AP3B1: variants seen among roughly 807,000 people sequenced by gnomAD.
AP3B1 encodes the protein adaptor related protein complex 3 subunit beta 1, also known as AP-3 complex subunit beta-1.
In AP3B1, 61 loss-of-function variants were observed where a neutral mutation model predicts 132.5. The observed-to-expected ratio is 0.46, with a 90% CI of 0.37 to 0.57. The LOEUF (loss-of-function observed/expected upper bound fraction) is 0.57, where lower values mean the gene tolerates loss of function less well. Ranked by LOEUF, AP3B1 falls within the 20% of genes least tolerant of loss-of-function variation. AP3B1 has a pLI of 0.00. For synonymous variants in AP3B1, 388 were observed against 438.3 expected (o/e 0.89, Z 1.43); for missense variants, 1,120 against 1,289.4 (o/e 0.87, Z 2.01).
intron 7 of AP3B1, among the ~76,000 whole-genome samples, chr5:78,191,131 C>T (rs903986640): frequency 6.6e-6 from 1 of 151,860 alleles, no homozygotes; most frequent in African/African-American, 2.4e-5. Flanking sequence ...TTTAAAAACA[C>T]ATAATATAAG....
intron 7 of AP3B1, among the ~76,000 whole-genome samples, chr5:78,191,426 A>G (rs185945059): frequency 2.7e-4 from 41 of 151,352 alleles, no homozygotes; most frequent in Non-Finnish European, 5.2e-4. Context: ...AAAGCTCAGT[A>G]GAGCTTTCAG....
intron 17 of AP3B1, among the ~76,000 whole-genome samples, chr5:78,126,149 T>A (rs1392088915): frequency 6.6e-6 from 1 of 150,686 alleles, no homozygotes; most frequent in Non-Finnish European, 1.5e-5. Context: ...GGAGAGAAAG[T>A]ATGTCCGTAG....
In AP3B1 at chr5:78,002,874, C is replaced by T; in HGVS notation, c.*28G>A. 1 of 1,614,070 alleles carries T rather than the reference C, an allele frequency of 6.2e-7. No homozygotes were observed. The highest frequency in any genetic ancestry group is 8.5e-7 in the Non-Finnish European group (1 of 1,179,982). On this transcript the variant is annotated 3_prime_UTR_variant, in exon 27 of 27. Coordinates refer to ENST00000255194, the MANE Select transcript of AP3B1 (RefSeq NM_003664.5). ...GATGCCAGGCACTTTTGTTGTGTGC[C>T]AGATTCTAAAGTCCAGATGTAAGCA...
At chr5:78,282,427 T>C (rs1749098570) in intron 1 of AP3B1, among the ~76,000 whole-genome samples, 6 of 152,076 alleles carry the variant, frequency 3.9e-5, no homozygotes, top group African/African-American at 2.4e-5. Context: ...CTTTGTACTA[T>C]AATCATTGTT....
At chr5:78,031,575 G>A (rs1350966240) in intron 24 of AP3B1, among the ~76,000 whole-genome samples, 1 of 152,094 alleles carries the variant, frequency 6.6e-6, no homozygotes, top group Non-Finnish European at 1.5e-5. Flanking sequence ...TGTGTATGTT[G>A]CCTGCTGTCA....
intron 11 of AP3B1, among the ~76,000 whole-genome samples, chr5:78,167,886 G>C (rs1418189376): frequency 1.3e-5 from 2 of 151,738 alleles, no homozygotes; most frequent in Admixed American, 1.3e-4. Flanking sequence ...GGGGTGGTGA[G>C]GAATAAAAGA....
chr5:78,161,996 G>A (rs1743406651), intron 13 of AP3B1, among the ~76,000 whole-genome samples: 1 of 151,868 alleles, frequency 6.6e-6, no homozygotes, highest in African/African-American at 2.4e-5. Context: ...CCCATATCTA[G>A]ACATGACATA....
chr5:78,113,936 A>C lies in AP3B1; in HGVS notation c.2078-13T>G. ...CCAGATTCACTCTCTGAAAAACAGA[A>C]CCAGATGTTCTTAGATTTATAGTCA... On this transcript the variant is annotated splice_polypyrimidine_tract_variant and intron_variant, in intron 18 of 26. Transcript: ENST00000255194. The C allele has an allele frequency of 6.2e-7, 1 of 1,613,412 alleles. No homozygotes were observed. The highest frequency in any genetic ancestry group is 8.5e-7 in the Non-Finnish European group (1 of 1,179,548).
rs1743436591 is a variant in AP3B1, at chr5:78,162,694, T to C, written c.1363+125A>G. 23 of 991,576 alleles carry C rather than the reference T, an allele frequency of 2.3e-5. No homozygotes were observed. In the East Asian group the frequency reaches 5.6e-4, roughly 24 times the overall value. The allele number at this position is 991,576 out of a possible 1,614,324, so 61.4% of individuals were successfully genotyped here. A position where few individuals can be genotyped will look rare whatever the true frequency, so the allele number is the denominator to read the frequency against. Reference sequence around the variant, plus strand: ...TTCAAGGATAAAATGCTACTTATTGTGACCATACTACTGATATAACTGGAA... The same window carrying C: ...TTCAAGGATAAAATGCTACTTATTGCGACCATACTACTGATATAACTGGAA... On this transcript the variant is annotated intron_variant, in intron 13 of 26. Transcript: ENST00000255194.
At chr5:78,004,885 C>T (rs1746327131) in intron 26 of AP3B1, among the ~76,000 whole-genome samples, 1 of 152,218 alleles carries the variant, frequency 6.6e-6, no homozygotes, top group African/African-American at 2.4e-5. Flanking sequence ...ACACATCCAT[C>T]TGCTTTTCAG....
rs756099672 is a variant in AP3B1, at chr5:78,034,374, T to G, written c.2881A>C (p.Ser961Arg). Residue 961 changes from serine to arginine, a missense_variant, in exon 24 of 27, where the codon AGT (serine) becomes CGT (arginine). Ser to Arg is a moderately radical substitution (Grantham distance 110, BLOSUM62 -1). Around this residue, in one of 3 missense-constraint regions of AP3B1, gnomAD observed 906 missense variants for 997.1 expected, o/e 0.91. Transcript: ENST00000255194. The part of the protein sequence containing the change: ...IDFCDSTQTA[S>R]FQLCTKDDCF... ...AATTGAACTTACCACAACTGGAAAC[T>G]GGCAGTCTGAGTAGAATCACAAAAG... 1 of 1,611,352 alleles carries G rather than the reference T, an allele frequency of 6.2e-7. No homozygotes were observed. The highest frequency in any genetic ancestry group is 1.1e-5 in the South Asian group (1 of 91,008).
At chr5:78,205,339 GCCTTT>G (rs1745459302) in intron 7 of AP3B1, among the ~76,000 whole-genome samples, 1 of 151,794 alleles carries the variant, frequency 6.6e-6, no homozygotes, top group South Asian at 2.1e-4. Flanking sequence ...TAAATCTTTT[GCCTTT>G]TACTAAGTAA....
chr5:78,264,555 A>T (rs1748239437), intron 2 of AP3B1, among the ~76,000 whole-genome samples: 1 of 152,224 alleles, frequency 6.6e-6, no homozygotes. Flanking sequence ...CCTGATAACC[A>T]GGAATTCATC....
intron 2 of AP3B1, among the ~76,000 whole-genome samples, chr5:78,265,123 C>T (rs1038627943): frequency 2.6e-5 from 4 of 152,134 alleles, no homozygotes; most frequent in African/African-American, 7.2e-5. Context: ...TATACTATAA[C>T]TTAAAACGTT....
intron 22 of AP3B1, among the ~76,000 whole-genome samples, chr5:78,051,119 AT>A (rs1395615887): frequency 6.6e-6 from 1 of 152,164 alleles, no homozygotes; most frequent in African/African-American, 2.4e-5. Context: ...AACCACACAT[AT>A]TTTATCAGTT....
At chr5:78,177,270 A>G in intron 9 of AP3B1, 69 bp downstream of exon 9, 2 of 1,057,178 alleles carry the variant, frequency 1.9e-6, no homozygotes, top group Non-Finnish European at 2.9e-6. Flanking sequence ...TGCCTGAAAG[A>G]TTACATTTGT....
chr5:78,201,628 A>G (rs1745292910), intron 7 of AP3B1, among the ~76,000 whole-genome samples: 1 of 152,234 alleles, frequency 6.6e-6, no homozygotes, highest in Non-Finnish European at 1.5e-5. Flanking sequence ...CTTTGTTATC[A>G]GTAAACAATG....
intron 8 of AP3B1, among the ~76,000 whole-genome samples, chr5:78,180,324 T>G (rs1044388952): frequency 6.6e-5 from 10 of 152,210 alleles, no homozygotes; most frequent in Middle Eastern, 6.8e-3. Context: ...GAATACTTTC[T>G]CAATTAAAAT....
At position 78,265,489 on chromosome 5, in the gene AP3B1, G is replaced by A. The variant is rs112553149; in HGVS notation, c.204+2031C>T. On this transcript the variant is annotated intron_variant, in intron 2 of 26. Transcript: ENST00000255194. ...AAAGAAAATGAACTTATCAAGAGTG[G>A]TTTGAACAGAACTTGTTCTCTTATC... Among the ~76,000 whole-genome samples the A allele has an allele frequency of 2.6e-3, 396 of 152,162 alleles. 3 individuals carry two copies. Among genetic ancestry groups the A allele is most frequent in the African/African-American group, 8.5e-3 (352 of 41,560 alleles).
Sources: allele counts gnomAD v4.1 joint callset (sites outside exome capture counted in the v4.1 genomes callset), GRCh38; gene constraint gnomAD v4.1.1; regional missense constraint gnomAD v4.1.1; transcripts MANE v1.5; gene names NCBI Gene and HGNC (gene_info 2026-07-23, HGNC 2026-07-21).